ASXL2: variants seen among roughly 807,000 people sequenced by gnomAD.
ASXL2 encodes putative Polycomb group protein ASXL2.
Under a neutral mutation model 122.0 loss-of-function variants are expected in ASXL2, and 23 were observed. The observed-to-expected ratio is 0.19, with a 90% CI of 0.14 to 0.27. ASXL2 has a LOEUF of 0.27. Among genes scored for constraint, ASXL2 ranks in the 10% least tolerant of loss-of-function variants. The pLI is 1.00. For missense variants in ASXL2, 1,518 were observed against 1,713.8 expected (o/e 0.89, Z 2.02); for synonymous variants, 650 against 637.0 (o/e 1.02, Z -0.31).
At chr2:25,843,829 A>AG (rs1553704934) in intron 2 of ASXL2, among the ~76,000 whole-genome samples, 4 of 151,264 alleles carry the variant, frequency 2.6e-5, no homozygotes, top group African/African-American at 7.3e-5. Flanking sequence ...AAAAAAAAAA[A>AG]AAAGAAAGAA....
At chr2:25,873,224 C>T (rs2089977463) in intron 1 of ASXL2, among the ~76,000 whole-genome samples, 1 of 151,992 alleles carries the variant, frequency 6.6e-6, no homozygotes, top group South Asian at 2.1e-4. Context: ...TTTATGTAAT[C>T]CATGAGCCAA....
Position 25,855,059 on chromosome 2 carries a change from C to T in ASXL2, c.58-9496G>A, listed in dbSNP as rs150187909. Among the ~76,000 whole-genome samples, 130 of 152,322 alleles carry T rather than the reference C, an allele frequency of 8.5e-4. 1 individual carries two copies. The Middle Eastern group carries it at 0.01, about 12-fold the overall frequency. On this transcript the variant is annotated intron_variant, in intron 1 of 12. Transcript: ENST00000435504. ...TCACACACTGCCAGCATGCCACCTT[C>T]GCTCATGCTGCTCTGTATATGACAT... is the stretch of plus-strand genomic sequence containing the variant.
At position 25,734,202 on chromosome 2, in the gene ASXL2, A is replaced by G. The variant is rs2087696547; in HGVS notation, c.*7827T>C. 1 of 152,118 alleles carries G rather than the reference A, an allele frequency of 6.6e-6. No homozygotes were observed. The highest frequency in any genetic ancestry group is 1.5e-5 in the Non-Finnish European group (1 of 68,026). The allele number at this position is 152,118 out of a possible 1,614,324, so 9.4% of individuals were successfully genotyped here. On this transcript the variant is annotated 3_prime_UTR_variant, in exon 13 of 13. Transcript: ENST00000435504. ...GAATTCTCTGAGAACTTGCTCTTTA[A>G]TCAGTACTTTATTATTAGAGAATAA...
At position 25,810,312 on chromosome 2, in the gene ASXL2, G is replaced by A. The variant is rs765443197; in HGVS notation, c.144-3975C>T. On this transcript the variant is annotated intron_variant, in intron 3 of 12. Transcript: ENST00000435504. ...TTCATACTTCCTATCTGCCTATTCT[G>A]CAGTGTGTTTAGCTTCTTTGAGTTG... 1.8e-4 allele frequency: 120 copies of A among 652,456 alleles called. 1 individual carries two copies. The highest frequency in any genetic ancestry group is 7.8e-4 in the Middle Eastern group (3 of 3,824). The allele number at this position is 652,456 out of a possible 1,614,324, so 40.4% of individuals were successfully genotyped here. A position where few individuals can be genotyped will look rare whatever the true frequency, so the allele number is the denominator to read the frequency against.
intron 11 of ASXL2, among the ~76,000 whole-genome samples, chr2:25,752,889 C>T (rs2088069684): frequency 6.7e-6 from 1 of 149,376 alleles, no homozygotes; most frequent in Non-Finnish European, 1.5e-5. Context: ...CTTCAATATT[C>T]TTCTATCTTA....
chr2:25,781,881 C>T (rs959700702), intron 5 of ASXL2, among the ~76,000 whole-genome samples: 22 of 148,154 alleles, frequency 1.5e-4, no homozygotes, highest in African/African-American at 5.4e-4. Context: ...CCAGGCTGTT[C>T]TTGAACTCCT....
chr2:25,781,965 T>C (rs1490169813), intron 5 of ASXL2, among the ~76,000 whole-genome samples: 2 of 72,620 alleles, frequency 2.8e-5, no homozygotes, highest in Admixed American at 2.5e-4. Flanking sequence ...CGGGCTTTTT[T>C]CTTTTTTTTT....
At chr2:25,783,048 G>A (rs1323893044) in intron 5 of ASXL2, among the ~76,000 whole-genome samples, 4 of 152,182 alleles carry the variant, frequency 2.6e-5, no homozygotes, top group Admixed American at 6.5e-5. Context: ...AGAATCGCTT[G>A]AATCCAGGAG....
At chr2:25,820,070 C>A (rs573299150) in intron 3 of ASXL2, among the ~76,000 whole-genome samples, 23 of 152,216 alleles carry the variant, frequency 1.5e-4, no homozygotes, top group African/African-American at 5.3e-4. Flanking sequence ...CACCACGATA[C>A]CTGGCTAATT....
At chr2:25,788,345 T>C (rs1574417030) in intron 5 of ASXL2, among the ~76,000 whole-genome samples, 1 of 152,354 alleles carries the variant, frequency 6.6e-6, no homozygotes, top group East Asian at 1.9e-4. Context: ...TGCATAAACA[T>C]CCACCAGTAC....
At chr2:25,864,233 T>C (rs555168221) in intron 1 of ASXL2, among the ~76,000 whole-genome samples, 18 of 152,232 alleles carry the variant, frequency 1.2e-4, no homozygotes, top group African/African-American at 4.3e-4. Context: ...ACACTCTTAA[T>C]GCCAGGCGAT....
Position 25,771,512 on chromosome 2 carries a change from G to C in ASXL2, c.432C>G (p.Cys144Trp). 1 of 1,613,682 alleles carries C rather than the reference G, an allele frequency of 6.2e-7. No homozygotes were observed. The highest frequency in any genetic ancestry group is 8.5e-7 in the Non-Finnish European group (1 of 1,179,776). The part of the protein sequence containing the change: ...KVSSSSPQSG[C>W]PSPTIPAGKV... ...TACCTGCTGGAATGGTGGGTGATGG[G>C]CAGCCTGACTGCGGGGAGGACGACG... The change falls in exon 6 of 13, where the codon TGC becomes TGG. Residue 144 changes from cysteine to tryptophan, a missense_variant. This residue lies in a region of ASXL2 where 198 missense variants were observed against 209.0 expected (regional missense o/e 0.95). Transcript: ENST00000435504.
chr2:25,829,289 T>TAC (rs148405440), intron 3 of ASXL2, among the ~76,000 whole-genome samples: 11,703 of 145,566 alleles, frequency 0.08, 556 homozygotes, highest in African/African-American at 0.14. Flanking sequence ...CACATACACA[T>TAC]ACACACACAC....
At chr2:25,871,653 A>G (rs2089962960) in intron 1 of ASXL2, among the ~76,000 whole-genome samples, 1 of 152,224 alleles carries the variant, frequency 6.6e-6, no homozygotes, top group Non-Finnish European at 1.5e-5. Flanking sequence ...GTGCAATGGC[A>G]CGATCTCGGC....
chr2:25,788,498 A>G (rs1038586762), intron 5 of ASXL2, among the ~76,000 whole-genome samples: 1 of 152,166 alleles, frequency 6.6e-6, no homozygotes. Flanking sequence ...TAGCTATACT[A>G]TGGACAGACA....
At chr2:25,802,298 A>G (rs992418894) in intron 4 of ASXL2, among the ~76,000 whole-genome samples, 1 of 152,254 alleles carries the variant, frequency 6.6e-6, no homozygotes, top group Non-Finnish European at 1.5e-5. Flanking sequence ...TTTAGGAACT[A>G]TAATGTGAGC....
intron 4 of ASXL2, among the ~76,000 whole-genome samples, chr2:25,803,678 TAC>T (rs1397889695): frequency 3.9e-5 from 6 of 152,174 alleles, no homozygotes; most frequent in African/African-American, 1.4e-4. Flanking sequence ...TAGATTCTCA[TAC>T]AGAGTGCATG....
At chr2:25,847,970 C>T (rs1368111737) in intron 1 of ASXL2, among the ~76,000 whole-genome samples, 1 of 152,152 alleles carries the variant, frequency 6.6e-6, no homozygotes, top group African/African-American at 2.4e-5. Flanking sequence ...TTTGACTTTA[C>T]TAGCAATCAA....
chr2:25,810,945 T>A (rs1312292882), intron 3 of ASXL2, among the ~76,000 whole-genome samples: 2 of 152,018 alleles, frequency 1.3e-5, no homozygotes, highest in Non-Finnish European at 2.9e-5. Context: ...CAGTATAATC[T>A]TCTGGGCACT....
Sources: gnomAD v4.1 joint callset for allele counts (sites outside exome capture counted in the v4.1 genomes callset) on GRCh38, gnomAD v4.1.1 for gene constraint, gnomAD v4.1.1 regional missense constraint, MANE v1.5 for transcripts, NCBI Gene and HGNC (gene_info 2026-07-23, HGNC 2026-07-21) for gene names.